Variants in PTCHD4 observed in about 807,000 individuals in gnomAD.
PTCHD4 encodes patched domain-containing protein 4.
In PTCHD4, 33 loss-of-function variants were observed where a neutral mutation model predicts 58.1. That is an observed-to-expected ratio of 0.57 (90% confidence interval 0.43 to 0.76). The LOEUF is 0.76. Ranked by LOEUF, PTCHD4 falls within the 30% of genes least tolerant of loss-of-function variation. The pLI is 0.00. For synonymous variants in PTCHD4, 478 were observed against 409.6 expected, an observed-to-expected ratio of 1.17 and a Z score of -2.02; for missense variants, 1,058 against 1,027.1, an observed-to-expected ratio of 1.03 and a Z score of -0.41.
chr6:47,984,896 T>C (rs1768004570), intron 4 of PTCHD4, among the ~76,000 whole-genome samples: 1 of 152,152 alleles, frequency 6.6e-6, no homozygotes, highest in African/African-American at 2.4e-5. Context: ...GTCAAGATTT[T>C]ATGTAAATCT....
At chr6:47,973,353 G>T (rs865891333) in intron 4 of PTCHD4, among the ~76,000 whole-genome samples, 15 of 152,284 alleles carry the variant, frequency 9.9e-5, no homozygotes, top group Middle Eastern at 3.4e-3. Context: ...ACAAGGAAAA[G>T]AAGCTTTCAC....
intron 1 of PTCHD4, among the ~76,000 whole-genome samples, chr6:48,107,858 C>T (rs1582147525): frequency 6.6e-6 from 1 of 152,324 alleles, no homozygotes. Context: ...AAATGTTCAT[C>T]ATCACTGGCC....
At chr6:47,880,067 A>T in intron 4 of PTCHD4, 131 bp from the exon 5 acceptor site, 1 of 745,606 alleles carries the variant, frequency 1.3e-6, no homozygotes. Context: ...TCCTCCTATC[A>T]GGGCCTCAAA....
In PTCHD4 at chr6:47,879,828, G is replaced by A. The variant is rs1299137649; in HGVS notation, c.1007C>T (p.Thr336Ile). The A allele has an allele frequency of 6.2e-7, 1 of 1,612,980 alleles. No individual in the cohort carries two copies. Residue 336 changes from threonine to isoleucine, a missense_variant, in exon 5 of 5, where the codon ACC (threonine) becomes ATC (isoleucine). Transcript: ENST00000339488. ...IADAYSDVMV[T>I]YTMTSSLYFI... ...GTACAGGGAGCTGGTCATGGTATAG[G>A]TGACCATCACATCAGAATAGGCATC... is the stretch of plus-strand genomic sequence containing the variant.
intron 3 of PTCHD4, among the ~76,000 whole-genome samples, chr6:48,057,799 A>T (rs1036379554): frequency 6.6e-6 from 1 of 152,224 alleles, no homozygotes. Flanking sequence ...CTCAGTGGCC[A>T]TGGTCAGGAG....
chr6:48,034,358 A>C (rs1340096354), intron 3 of PTCHD4, among the ~76,000 whole-genome samples: 1 of 152,102 alleles, frequency 6.6e-6, no homozygotes, highest in Non-Finnish European at 1.5e-5. Flanking sequence ...TTACTGGGTG[A>C]CTACATGTGG....
At chr6:48,107,194 C>G (rs1232785328) in intron 1 of PTCHD4, among the ~76,000 whole-genome samples, 2 of 152,164 alleles carry the variant, frequency 1.3e-5, no homozygotes, top group African/African-American at 4.8e-5. Flanking sequence ...TACCTGACTT[C>G]AAACTATACT....
At chr6:47,985,525 A>C (rs1331312232) in intron 4 of PTCHD4, among the ~76,000 whole-genome samples, 1 of 152,134 alleles carries the variant, frequency 6.6e-6, no homozygotes, top group Non-Finnish European at 1.5e-5. Flanking sequence ...ACAATTTATG[A>C]TATAACTATT....
intron 4 of PTCHD4, among the ~76,000 whole-genome samples, chr6:47,962,900 C>T (rs1767150335): frequency 6.6e-6 from 1 of 151,584 alleles, no homozygotes; most frequent in South Asian, 2.1e-4. Context: ...TGGCTCACGC[C>T]TGTAATCCTA....
At chr6:48,063,499 T>G (rs997304136) in intron 3 of PTCHD4, among the ~76,000 whole-genome samples, 2 of 152,274 alleles carry the variant, frequency 1.3e-5, no homozygotes, top group African/African-American at 2.4e-5. Flanking sequence ...AATATTGTAT[T>G]GTGGTTAAGA....
intron 1 of PTCHD4, among the ~76,000 whole-genome samples, chr6:48,091,986 T>TAAACATACACACACAC (rs1554182223): frequency 6.6e-6 from 1 of 151,138 alleles, no homozygotes; most frequent in African/African-American, 2.4e-5. Flanking sequence ...AGTACACACA[T>TAAACATACACACACAC]ACACATACAC....
At chr6:47,987,751 C>A (rs1768125950) in intron 4 of PTCHD4, among the ~76,000 whole-genome samples, 1 of 152,060 alleles carries the variant, frequency 6.6e-6, no homozygotes, top group African/African-American at 2.4e-5. Flanking sequence ...GAAAACTAAT[C>A]CCCATGTCTT....
chr6:47,889,903 C>A (rs904284410), intron 4 of PTCHD4, among the ~76,000 whole-genome samples: 1 of 152,038 alleles, frequency 6.6e-6, no homozygotes, highest in Non-Finnish European at 1.5e-5. Flanking sequence ...AAACTACCAT[C>A]AGAGTGAACA....
At chr6:48,109,893 C>T (rs1444929797) in intron 1 of PTCHD4, among the ~76,000 whole-genome samples, 2 of 151,832 alleles carry the variant, frequency 1.3e-5, no homozygotes, top group Admixed American at 1.3e-4. Context: ...TTCCTCACAC[C>T]TATTGGGATG....
intron 4 of PTCHD4, among the ~76,000 whole-genome samples, chr6:47,912,545 C>T (rs1370561909): frequency 2.0e-5 from 3 of 152,068 alleles, no homozygotes; most frequent in African/African-American, 7.2e-5. Context: ...TTCATTGTTA[C>T]CAACTGTATT....
chr6:47,983,085 T>C (rs73736815), intron 4 of PTCHD4, among the ~76,000 whole-genome samples: 139 of 152,314 alleles, frequency 9.1e-4, no homozygotes, highest in African/African-American at 3.0e-3. Flanking sequence ...GGAGGATTAC[T>C]TATGTTGATT....
At chr6:48,080,947 T>C (rs1217300579) in intron 1 of PTCHD4, among the ~76,000 whole-genome samples, 2 of 152,190 alleles carry the variant, frequency 1.3e-5, no homozygotes, top group Non-Finnish European at 2.9e-5. Flanking sequence ...TTGTTTCTGT[T>C]TTTGGTGATC....
rs1763826422 is a variant in PTCHD4, at chr6:47,875,575, C to T, written c.*2728G>A. ...AGTTCTCTAAAGAGTACTACGGTGTCCTGGAAAAGATAATGTTCCTTCCAA... is the reference window on the plus strand; with the variant it reads ...AGTTCTCTAAAGAGTACTACGGTGTTCTGGAAAAGATAATGTTCCTTCCAA... On this transcript the variant is annotated 3_prime_UTR_variant, in exon 5 of 5. Coordinates refer to ENST00000339488, the MANE Select transcript of PTCHD4 (RefSeq NM_001384253.1). Among the ~76,000 whole-genome samples, 1 of 151,832 alleles carries T rather than the reference C, an allele frequency of 6.6e-6. No homozygotes were observed. The highest frequency in any genetic ancestry group is 2.4e-5 in the African/African-American group (1 of 41,454).
chr6:47,898,256 T>C (rs1372622201), intron 4 of PTCHD4, among the ~76,000 whole-genome samples: 1 of 152,164 alleles, frequency 6.6e-6, no homozygotes, highest in African/African-American at 2.4e-5. Context: ...CATTTCATCC[T>C]TTCAAAACAT....
Sources: allele counts gnomAD v4.1 joint callset (sites outside exome capture counted in the v4.1 genomes callset), GRCh38; gene constraint gnomAD v4.1.1; transcripts MANE v1.5; gene names NCBI Gene and HGNC (gene_info 2026-07-23, HGNC 2026-07-21).